The following TRIM14 variants were observed in gnomAD, a reference collection of about 807,000 sequenced individuals.
TRIM14 encodes the protein tripartite motif containing 14, also known as tripartite motif-containing protein 14.
TRIM14 carries 28 observed loss-of-function variants against 44.5 expected under a neutral mutation model. The ratio of observed to expected loss-of-function variants is 0.63; its 90% CI spans 0.47 to 0.86. TRIM14 has a LOEUF of 0.86. TRIM14 is among the 40% of genes least tolerant of loss of function. TRIM14 has a pLI of 0.00. For synonymous variants in TRIM14, 299 were observed against 269.2 expected, an observed-to-expected ratio of 1.11 and a Z score of -1.08; for missense variants, 607 against 611.1, an observed-to-expected ratio of 0.99 and a Z score of 0.07.
At position 98,109,893 on chromosome 9, in the gene TRIM14, A is replaced by G; in HGVS notation, c.299T>C (p.Leu100Pro). The change falls in exon 2 of 6, where the codon CTC becomes CCC. Residue 100 changes from leucine (L) to proline (P), a missense_variant. Physicochemically the swap from Leu to Pro is moderately conservative, Grantham distance 98 (BLOSUM62 -3). Coordinates refer to ENST00000341469, the MANE Select transcript of TRIM14 (RefSeq NM_014788.4). ...ITQIEDATEK[L>P]KANAESSKTW... is the part of the protein sequence containing the mutation. Reference sequence around the variant, plus strand: ...GAGGAAGAAATGTCCACTTGCCTTGAGCTTCTCGGTGGCATCTTCTATCTG... The same window carrying G: ...GAGGAAGAAATGTCCACTTGCCTTGGGCTTCTCGGTGGCATCTTCTATCTG... 1 of 1,607,240 alleles carries G rather than the reference A, an allele frequency of 6.2e-7. No homozygotes were observed. Among genetic ancestry groups the G allele is most frequent in the Non-Finnish European group, 8.5e-7 (1 of 1,177,568 alleles).
chr9:98,047,925 C>T, the TRIM14 span, among the ~76,000 whole-genome samples: 2 of 151,908 alleles, frequency 1.3e-5, no homozygotes, highest in African/African-American at 2.4e-5. Flanking sequence ...ATTAGCTGGG[C>T]GTGGTGGCAC....
chr9:98,100,343 A>G (rs1826344601), intron 2 of TRIM14, among the ~76,000 whole-genome samples, 179 bp from the exon 3 acceptor site: 1 of 152,220 alleles, frequency 6.6e-6, no homozygotes, highest in Admixed American at 6.5e-5. Context: ...CGATCGTAAA[A>G]TGCACGGAGA....
At chr9:98,067,975 G>T (rs1423102220), downstream of TRIM14, among the ~76,000 whole-genome samples, 1 of 152,122 alleles carries the variant, frequency 6.6e-6, no homozygotes, top group African/African-American at 2.4e-5. Context: ...GCCAACCTTG[G>T]CCTCCCAAAG....
At chr9:98,055,485 A>G in the TRIM14 span, among the ~76,000 whole-genome samples, 1 of 152,196 alleles carries the variant, frequency 6.6e-6, no homozygotes, top group Non-Finnish European at 1.5e-5. Context: ...CCAGTTTATC[A>G]ATCTGGTGGT....
chr9:98,051,870 C>G, the TRIM14 span, among the ~76,000 whole-genome samples: 1 of 141,518 alleles, frequency 7.1e-6, no homozygotes, highest in African/African-American at 2.7e-5. Context: ...CAGCCCATCT[C>G]TTATGGGAAT....
chr9:98,056,622 C>T, the TRIM14 span: 83 of 680,362 alleles, frequency 1.2e-4, no homozygotes, highest in Admixed American at 1.7e-3. Context: ...CCCGCCCCCG[C>T]CCCCCGCCCC....
the TRIM14 span, among the ~76,000 whole-genome samples, chr9:98,045,789 C>G: frequency 1.1e-4 from 17 of 152,290 alleles, no homozygotes; most frequent in Admixed American, 1.0e-3. Flanking sequence ...AGCAAGGTAC[C>G]TGCAGGACCC....
At chr9:98,116,845 C>CAAAA in intron 1 of TRIM14, among the ~76,000 whole-genome samples, 1 of 100,856 alleles carries the variant, frequency 9.9e-6, no homozygotes, top group Non-Finnish European at 2.1e-5. Flanking sequence ...CCCTGTGTCT[C>CAAAA]AAAAAAAAAA....
chr9:98,082,561 C>A (rs1332010883), downstream of TRIM14, among the ~76,000 whole-genome samples: 2 of 152,240 alleles, frequency 1.3e-5, no homozygotes, highest in East Asian at 3.8e-4. Context: ...TAAAACGTGG[C>A]CTATACCCCA....
chr9:98,090,615 G>A lies in TRIM14; in HGVS notation c.793+1294C>T, dbSNP rs372037736. Reference sequence around the variant, plus strand: ...AGTCTTGCTCTGTTGCCAGGCTGGAGTGCAGTAGTGCGACCTCGGCTCACT... The same window carrying A: ...AGTCTTGCTCTGTTGCCAGGCTGGAATGCAGTAGTGCGACCTCGGCTCACT... On this transcript the variant is annotated intron_variant, in intron 5 of 5. Coordinates refer to ENST00000341469, the MANE Select transcript of TRIM14 (RefSeq NM_014788.4). Among the ~76,000 whole-genome samples the A allele has an allele frequency of 7.4e-5, 11 of 147,812 alleles. No homozygotes were observed. The East Asian group carries it at 2.2e-3, about 29-fold the overall frequency.
chr9:98,098,458 T>C (rs190571624), intron 3 of TRIM14, among the ~76,000 whole-genome samples: 1 of 152,084 alleles, frequency 6.6e-6, no homozygotes, highest in Admixed American at 6.5e-5. Flanking sequence ...ACGCCTGTAA[T>C]CCCAGCACTT....
Position 98,087,926 on chromosome 9 carries a change from G to A in TRIM14, c.873C>T (p.Cys291=), listed in dbSNP as rs751261092. ...CGGGCCCCAGGCTGCCCAGCAGGCC[G>A]CAGCGCACCGTCAGGCGATCGGCGG... The part of the protein sequence containing the change: ...RLSADRLTVR[C]GLLGSLGPVP... Residue 291 remains cysteine, a synonymous_variant, in exon 6 of 6, where the codon TGC becomes TGT. Coordinates refer to ENST00000341469, the MANE Select transcript of TRIM14 (RefSeq NM_014788.4). The A allele has an allele frequency of 1.9e-6, 3 of 1,565,500 alleles. No individual in the cohort carries two copies. The highest frequency in any genetic ancestry group is 2.6e-6 in the Non-Finnish European group (3 of 1,166,074).
the TRIM14 span, among the ~76,000 whole-genome samples, chr9:98,059,171 CCACCACCA>C: frequency 6.6e-6 from 1 of 151,650 alleles, no homozygotes; most frequent in Non-Finnish European, 1.5e-5. Context: ...TTACAGGTGC[CCACCACCA>C]CACCTAGCTA....
the TRIM14 span, among the ~76,000 whole-genome samples, chr9:98,049,864 C>T: frequency 6.6e-6 from 1 of 152,170 alleles, no homozygotes; most frequent in South Asian, 2.1e-4. Context: ...GTTCAAATGC[C>T]TCTGCCACAG....
chr9:98,099,501 G>T (rs899418494), intron 3 of TRIM14, among the ~76,000 whole-genome samples: 3 of 151,610 alleles, frequency 2.0e-5, no homozygotes, highest in Admixed American at 2.0e-4. Context: ...GGCCAGGCAG[G>T]GTCCCTTGTG....
Position 98,112,797 on chromosome 9 carries a change from C to CA in TRIM14, c.208-2814dup, listed in dbSNP as rs34150823. ...TGAGTGACAGAGCAAGACTCAATCTCAAAAAAAAAAAAAAAAAAAAAATCA... is the reference window on the plus strand; with the variant it reads ...TGAGTGACAGAGCAAGACTCAATCTCAAAAAAAAAAAAAAAAAAAAAAATCA... On this transcript the variant is annotated intron_variant, in intron 1 of 5. Transcript: ENST00000341469. 8.4e-3 allele frequency among the ~76,000 whole-genome samples: 573 copies of CA among 68,318 alleles called. 9 individuals are homozygous for CA. The highest frequency in any genetic ancestry group is 0.025 in the African/African-American group (407 of 16,544). 44.8% of individuals were successfully genotyped at this position (68,318 alleles called of 152,430 possible). A position where few individuals can be genotyped will look rare whatever the true frequency, so the allele number is the denominator to read the frequency against.
At chr9:98,038,826 G>A in the TRIM14 span, among the ~76,000 whole-genome samples, 341 of 152,102 alleles carry the variant, frequency 2.2e-3, 1 homozygote, top group Non-Finnish European at 1.8e-3. Context: ...CGAGGCAGGC[G>A]GATTATGAGG....
Position 98,077,930 on chromosome 9 carries a change from G to A in TRIM14, c.*29-8243C>T, listed in dbSNP as rs116261316. 5.8e-3 allele frequency: 2,884 copies of A among 497,360 alleles called. 68 individuals are homozygous for A. The highest frequency in any genetic ancestry group is 0.051 in the African/African-American group (2,666 of 52,128). 30.8% of individuals were successfully genotyped at this position (497,360 alleles called of 1,614,324 possible). On this transcript the variant is annotated intron_variant, in intron 6 of 6. Transcript: ENST00000375098. ...AGATAAGATACTCATTTTCCTCTTGGCAGTGTGAAATTCCTCTGCCTCTTT... is the reference window on the plus strand; with the variant it reads ...AGATAAGATACTCATTTTCCTCTTGACAGTGTGAAATTCCTCTGCCTCTTT...
intron 6 of TRIM14, among the ~76,000 whole-genome samples, chr9:98,072,922 A>G (rs1210131567): frequency 6.6e-6 from 1 of 152,172 alleles, no homozygotes; most frequent in African/African-American, 2.4e-5. Flanking sequence ...GTGCTGAGGA[A>G]AGGTTAAGGT....
Sources: gnomAD v4.1 joint callset for allele counts (sites outside exome capture counted in the v4.1 genomes callset) on GRCh38, gnomAD v4.1.1 for gene constraint, MANE v1.5 for transcripts, NCBI Gene and HGNC (gene_info 2026-07-23, HGNC 2026-07-21) for gene names.